The following CNOT6 variants were observed in gnomAD, a reference collection of about 807,000 sequenced individuals.
The protein encoded by CNOT6 is CCR4-NOT transcription complex subunit 6, also known as carbon catabolite repression 4 protein.
CNOT6 carries 12 observed loss-of-function variants against 61.2 expected under a neutral mutation model. The observed-to-expected ratio is 0.20, with a 90% CI of 0.13 to 0.32. The LOEUF is 0.32. CNOT6 is among the 10% of genes least tolerant of loss of function. The probability of loss-of-function intolerance (pLI) is 1.00; values close to 1 mark genes in which losing one functional copy is unlikely to be tolerated. For synonymous variants in CNOT6, 225 were observed against 240.6 expected (o/e 0.94, Z 0.60); for missense variants, 405 against 663.9 (o/e 0.61, Z 4.28).
chr5:180,569,876 C>T (rs1317628186), intron 10 of CNOT6, among the ~76,000 whole-genome samples: 6 of 152,148 alleles, frequency 3.9e-5, no homozygotes, highest in Admixed American at 2.0e-4. Flanking sequence ...TGATCTGGAG[C>T]GCTCTTTCCG....
chr5:180,512,009 T>G (rs1267413046), intron 1 of CNOT6, among the ~76,000 whole-genome samples: 1 of 152,218 alleles, frequency 6.6e-6, no homozygotes, highest in Non-Finnish European at 1.5e-5. Flanking sequence ...TTTTGAAATT[T>G]GTAGTTTCAT....
At chr5:180,539,548 G>GTTTTTTTTTTTTTTTT (rs1561648866) in intron 2 of CNOT6, among the ~76,000 whole-genome samples, 1 of 45,826 alleles carries the variant, frequency 2.2e-5, no homozygotes, top group African/African-American at 7.6e-5. Context: ...TACTTTTTCT[G>GTTTTTTTTTTTTTTTT]TTCTTTTTTT....
chr5:180,501,099 A>G (rs906595758), intron 1 of CNOT6, among the ~76,000 whole-genome samples: 2 of 152,158 alleles, frequency 1.3e-5, no homozygotes, highest in African/African-American at 4.8e-5. Flanking sequence ...TTTCCTGTAT[A>G]TGATAGAAAT....
chr5:180,547,589 G>A (rs1759377474), intron 2 of CNOT6, among the ~76,000 whole-genome samples: 1 of 152,160 alleles, frequency 6.6e-6, no homozygotes, highest in Non-Finnish European at 1.5e-5. Flanking sequence ...CTGGGAGTCT[G>A]CTGCATTTTA....
chr5:180,549,881 A>T, intron 2 of CNOT6, 50 bp from the exon 3 acceptor site: 1 of 1,359,686 alleles, frequency 7.4e-7, no homozygotes. Flanking sequence ...CTACAGAACA[A>T]AATGTAGAGA....
chr5:180,520,487 C>T (rs1351855772), intron 1 of CNOT6, among the ~76,000 whole-genome samples: 1 of 151,916 alleles, frequency 6.6e-6, no homozygotes, highest in Non-Finnish European at 1.5e-5. Context: ...ACTAAAAATA[C>T]AAAAATTAGC....
chr5:180,508,511 C>T (rs922429103), intron 1 of CNOT6, among the ~76,000 whole-genome samples: 4 of 152,036 alleles, frequency 2.6e-5, no homozygotes, highest in African/African-American at 9.7e-5. Flanking sequence ...GGGGTTTCAC[C>T]GTGTTGGCCA....
At chr5:180,500,978 T>C (rs1756844322) in intron 1 of CNOT6, among the ~76,000 whole-genome samples, 1 of 152,008 alleles carries the variant, frequency 6.6e-6, no homozygotes, top group African/African-American at 2.4e-5. Context: ...AGGAACAGCA[T>C]ATTGGGAACA....
At chr5:180,569,467 G>C (rs1403551611) in intron 10 of CNOT6, 127 bp downstream of exon 10, 3 of 723,586 alleles carry the variant, frequency 4.1e-6, no homozygotes, top group Non-Finnish European at 6.7e-6. Context: ...CTATGAGCAG[G>C]TTTTAAACAT....
intron 2 of CNOT6, among the ~76,000 whole-genome samples, chr5:180,538,718 A>AT (rs1758857050): frequency 2.7e-5 from 4 of 147,840 alleles, no homozygotes; most frequent in African/African-American, 7.5e-5. Flanking sequence ...ATATATATAC[A>AT]AAAAAATTAG....
chr5:180,539,955 T>C (rs190837909), intron 2 of CNOT6, among the ~76,000 whole-genome samples: 126 of 152,366 alleles, frequency 8.3e-4, no homozygotes, highest in African/African-American at 2.8e-3. Flanking sequence ...GTTGTACTAA[T>C]GTCTGTGCTC....
At chr5:180,557,046 A>G (rs1759935174) in intron 4 of CNOT6, among the ~76,000 whole-genome samples, 1 of 152,000 alleles carries the variant, frequency 6.6e-6, no homozygotes, top group African/African-American at 2.4e-5. Flanking sequence ...TTATTTGGAT[A>G]TTTGTCCTGG....
rs1761035223 is a variant in CNOT6, at chr5:180,577,073, C to T, written c.*2873C>T. On this transcript the variant is annotated 3_prime_UTR_variant, in exon 12 of 12. Coordinates refer to ENST00000261951, the MANE Select transcript of CNOT6 (RefSeq NM_001370472.1). ...GTTTCAATATTGTTCGTCAAGTTAA[C>T]TTATGGCATAATTTAAGCTAAAGTT... 1 of 152,142 alleles carries T rather than the reference C, an allele frequency of 6.6e-6. No homozygotes were observed. Among genetic ancestry groups the T allele is most frequent in the African/African-American group, 2.4e-5 (1 of 41,310 alleles). The allele number at this position is 152,142 out of a possible 1,614,324, so 9.4% of individuals were successfully genotyped here.
At chr5:180,511,927 T>C (rs920051220) in intron 1 of CNOT6, among the ~76,000 whole-genome samples, 1 of 152,232 alleles carries the variant, frequency 6.6e-6, no homozygotes, top group Admixed American at 6.5e-5. Flanking sequence ...TGGCTCCATT[T>C]TTAACATATC....
intron 8 of CNOT6, 48 bp downstream of exon 8, chr5:180,567,290 G>T: frequency 6.5e-7 from 1 of 1,547,408 alleles, no homozygotes; most frequent in Non-Finnish European, 8.8e-7. Context: ...GTATTTGCAG[G>T]GTGGGGGCCA....
chr5:180,503,516 C>T (rs548294832), intron 1 of CNOT6, among the ~76,000 whole-genome samples: 5 of 151,158 alleles, frequency 3.3e-5, no homozygotes, highest in East Asian at 2.0e-4. Context: ...GTGCCTGCTT[C>T]GGCACCCCAA....
Position 180,565,949 on chromosome 5 carries a change from G to A in CNOT6, c.689G>A (p.Ser230Asn), listed in dbSNP as rs757488145. The change falls in exon 7 of 12, where the codon AGC (serine) becomes AAC (asparagine). Residue 230 changes from serine to asparagine, a missense_variant. Around this residue, in one of 5 missense-constraint regions of CNOT6, gnomAD observed 212 missense variants for 307.1 expected, o/e 0.69. Transcript: ENST00000261951. Reference protein sequence around the residue: ...RKKAIIQEILSCNADIVSLQE... With the variant: ...RKKAIIQEILNCNADIVSLQE... The stretch of plus-strand genomic sequence containing the variant: ...AAGGCCATTATTCAAGAAATCTTGA[G>A]CTGCAATGCTGATATCGTAAGTCTT... The A allele has an allele frequency of 1.8e-5, 29 of 1,613,660 alleles. No individual in the cohort carries two copies. The highest frequency in any genetic ancestry group is 1.9e-5 in the Non-Finnish European group (22 of 1,179,808).
chr5:180,556,641 C>CT (rs1759905818), intron 4 of CNOT6, among the ~76,000 whole-genome samples: 1 of 152,184 alleles, frequency 6.6e-6, no homozygotes, highest in Admixed American at 6.5e-5. Flanking sequence ...CTCACTGCTT[C>CT]TAAGTTTTGC....
At chr5:180,495,573 G>T (rs551063307) in intron 1 of CNOT6, 1 of 152,324 alleles carries the variant, frequency 6.6e-6, no homozygotes, top group Admixed American at 6.5e-5. Context: ...GAGCTCTTTG[G>T]ATTTGTTGTT....
Sources: allele counts gnomAD v4.1 joint callset (sites outside exome capture counted in the v4.1 genomes callset), GRCh38; gene constraint gnomAD v4.1.1; regional missense constraint gnomAD v4.1.1; transcripts MANE v1.5; gene names NCBI Gene and HGNC (gene_info 2026-07-23, HGNC 2026-07-21).